The following CCSER1 variants were observed in gnomAD, a reference collection of about 807,000 sequenced individuals.
CCSER1 encodes the protein coiled-coil serine rich protein 1.
A neutral mutation model predicts 82.0 loss-of-function variants in CCSER1; 41 were observed. That is an observed-to-expected ratio of 0.50 (90% confidence interval 0.39 to 0.65). CCSER1 has a LOEUF of 0.65. Ranked by LOEUF, CCSER1 falls within the 30% of genes least tolerant of loss-of-function variation. The pLI is 0.00. For synonymous variants in CCSER1, 414 were observed against 383.9 expected, an observed-to-expected ratio of 1.08 and a Z score of -0.92; for missense variants, 1,119 against 1,064.2, an observed-to-expected ratio of 1.05 and a Z score of -0.72.
At chr4:90,390,607 A>T (rs1750842104) in intron 3 of CCSER1, among the ~76,000 whole-genome samples, 1 of 152,314 alleles carries the variant, frequency 6.6e-6, no homozygotes, top group South Asian at 2.1e-4. Flanking sequence ...TGCAAAAGAC[A>T]TGCTTTTGTC....
chr4:91,493,919 A>G (rs932343438), intron 10 of CCSER1, among the ~76,000 whole-genome samples: 1 of 151,874 alleles, frequency 6.6e-6, no homozygotes, highest in Admixed American at 6.6e-5. Flanking sequence ...TTATTATATT[A>G]TCTTTCCACA....
chr4:91,025,442 G>A (rs1454445456), intron 9 of CCSER1, among the ~76,000 whole-genome samples: 1 of 152,074 alleles, frequency 6.6e-6, no homozygotes, highest in East Asian at 1.9e-4. Context: ...TTTAGATGAT[G>A]TGCTGGCACT....
chr4:91,200,854 G>C (rs555527609), intron 10 of CCSER1, among the ~76,000 whole-genome samples: 39 of 152,076 alleles, frequency 2.6e-4, no homozygotes, highest in African/African-American at 9.4e-4. Context: ...GTATTTGATT[G>C]TGTTTAATTG....
chr4:91,102,755 T>G (rs1438878222), intron 10 of CCSER1, among the ~76,000 whole-genome samples: 1 of 152,212 alleles, frequency 6.6e-6, no homozygotes, highest in Non-Finnish European at 1.5e-5. Context: ...TCTTGCTCTT[T>G]AACTATGTCA....
chr4:90,222,410 T>G (rs188294425), intron 1 of CCSER1, among the ~76,000 whole-genome samples: 1 of 152,336 alleles, frequency 6.6e-6, no homozygotes, highest in East Asian at 1.9e-4. Context: ...GTTATGTGCA[T>G]AGTTCACAAG....
intron 2 of CCSER1, 61 bp downstream of exon 2, chr4:90,309,669 G>T: frequency 3.1e-6 from 4 of 1,280,682 alleles, no homozygotes; most frequent in South Asian, 1.7e-5. Flanking sequence ...ACTTTATTCA[G>T]TTTTCTTATT....
intron 9 of CCSER1, among the ~76,000 whole-genome samples, chr4:91,040,518 A>G (rs1741867357): frequency 6.6e-6 from 1 of 152,192 alleles, no homozygotes; most frequent in South Asian, 2.1e-4. Flanking sequence ...ATATTGGCAG[A>G]GTCTAGAATC....
chr4:90,297,218 A>G (rs1050613934), intron 1 of CCSER1, among the ~76,000 whole-genome samples: 1 of 150,008 alleles, frequency 6.7e-6, no homozygotes. Flanking sequence ...CATCCCTTGT[A>G]AGTTGGATTC....
intron 10 of CCSER1, among the ~76,000 whole-genome samples, chr4:91,571,869 G>A (rs567286604): frequency 2.6e-5 from 4 of 152,230 alleles, no homozygotes; most frequent in Non-Finnish European, 4.4e-5. Flanking sequence ...GTATAGACTC[G>A]TGGTGTGTGA....
chr4:91,294,098 G>T (rs1277643371), intron 10 of CCSER1, among the ~76,000 whole-genome samples: 2 of 151,846 alleles, frequency 1.3e-5, no homozygotes, highest in African/African-American at 4.8e-5. Context: ...GGAAGAAAAT[G>T]AAAATTGTGT....
At chr4:90,399,340 G>C (rs184992978) in intron 3 of CCSER1, among the ~76,000 whole-genome samples, 1 of 151,844 alleles carries the variant, frequency 6.6e-6, no homozygotes, top group East Asian at 1.9e-4. Context: ...ATATATTATG[G>C]TATAATGCAA....
chr4:90,131,126 T>C (rs1722757709), intron 1 of CCSER1, among the ~76,000 whole-genome samples: 1 of 152,038 alleles, frequency 6.6e-6, no homozygotes, highest in African/African-American at 2.4e-5. Flanking sequence ...GCTCCCTGAG[T>C]AGCTGGGATT....
chr4:91,479,705 T>C (rs1757785540), intron 10 of CCSER1, among the ~76,000 whole-genome samples: 1 of 106,992 alleles, frequency 9.3e-6, no homozygotes, highest in Non-Finnish European at 2.1e-5. Flanking sequence ...TTTTTTTCTT[T>C]TTTTTCTTTC....
At chr4:90,344,520 C>A (rs1483639701) in intron 3 of CCSER1, among the ~76,000 whole-genome samples, 1 of 151,932 alleles carries the variant, frequency 6.6e-6, no homozygotes, top group African/African-American at 2.4e-5. Flanking sequence ...TACCAATAAA[C>A]CCAATAGATA....
intron 5 of CCSER1, among the ~76,000 whole-genome samples, chr4:90,576,379 G>C (rs1254021255): frequency 6.6e-6 from 1 of 152,046 alleles, no homozygotes; most frequent in Non-Finnish European, 1.5e-5. Context: ...ACACATCATT[G>C]TCACCCAAAG....
At chr4:91,042,972 A>T (rs1742105350) in intron 9 of CCSER1, among the ~76,000 whole-genome samples, 1 of 152,176 alleles carries the variant, frequency 6.6e-6, no homozygotes, top group Non-Finnish European at 1.5e-5. Context: ...TCTTGCCTAC[A>T]TTCAGCCACC....
chr4:91,096,840 C>T (rs528350810), intron 10 of CCSER1, among the ~76,000 whole-genome samples: 6 of 152,166 alleles, frequency 3.9e-5, no homozygotes, highest in Non-Finnish European at 8.8e-5. Context: ...ACACCTTTAT[C>T]GTTTATACCA....
intron 10 of CCSER1, among the ~76,000 whole-genome samples, chr4:91,104,314 G>A (rs975707205): frequency 9.9e-5 from 15 of 152,040 alleles, no homozygotes; most frequent in Admixed American, 7.9e-4. Context: ...TACCTACTCC[G>A]TGTGCTTACA....
chr4:90,315,390 T>C (rs74879664), intron 3 of CCSER1, among the ~76,000 whole-genome samples: 271 of 152,348 alleles, frequency 1.8e-3, no homozygotes, highest in Non-Finnish European at 2.7e-3. Flanking sequence ...ACTGAAACTT[T>C]TGAATTTCCT....
Sources: gnomAD v4.1 joint callset for allele counts (sites outside exome capture counted in the v4.1 genomes callset) on GRCh38, gnomAD v4.1.1 for gene constraint, MANE v1.5 for transcripts, NCBI Gene and HGNC (gene_info 2026-07-23, HGNC 2026-07-21) for gene names.